Variants in MACROD2 observed in about 807,000 individuals in gnomAD.
MACROD2 encodes the protein mono-ADP ribosylhydrolase 2.
MACROD2 carries 36 observed loss-of-function variants against 70.4 expected under a neutral mutation model. That is an observed-to-expected ratio of 0.51 (90% CI 0.39 to 0.68). The LOEUF is 0.68. Among genes scored for constraint, MACROD2 ranks in the 30% least tolerant of loss-of-function variants. MACROD2 has a pLI of 0.00. For synonymous variants in MACROD2, 172 were observed against 178.8 expected, an observed-to-expected ratio of 0.96 and a Z score of 0.30; for missense variants, 496 against 538.4, an observed-to-expected ratio of 0.92 and a Z score of 0.78.
intron 8 of MACROD2, among the ~76,000 whole-genome samples, chr20:15,743,721 T>G (rs1331348398): frequency 6.6e-6 from 1 of 152,150 alleles, no homozygotes; most frequent in Non-Finnish European, 1.5e-5. Flanking sequence ...AATCCACACT[T>G]CACAGTCTAG....
At chr20:14,136,971 A>G (rs1490102852) in intron 3 of MACROD2, among the ~76,000 whole-genome samples, 1 of 152,142 alleles carries the variant, frequency 6.6e-6, no homozygotes, top group African/African-American at 2.4e-5. Flanking sequence ...ACTGGTAACC[A>G]CTAGCCACAT....
chr20:14,396,211 G>A (rs2083578164), intron 3 of MACROD2, among the ~76,000 whole-genome samples: 1 of 152,238 alleles, frequency 6.6e-6, no homozygotes, highest in African/African-American at 2.4e-5. Flanking sequence ...TGCTGTTAGT[G>A]AGTAGAGGGT....
intron 6 of MACROD2, among the ~76,000 whole-genome samples, chr20:15,331,266 T>G (rs80194628): frequency 6.6e-6 from 1 of 151,528 alleles, no homozygotes; most frequent in Non-Finnish European, 1.5e-5. Context: ...TATAAAGAAT[T>G]CTTTTTACCC....
At chr20:16,025,042 G>A (rs970376455) in intron 15 of MACROD2, among the ~76,000 whole-genome samples, 8 of 152,154 alleles carry the variant, frequency 5.3e-5, no homozygotes, top group South Asian at 2.1e-4. Flanking sequence ...TTATCTTGCC[G>A]AAGAAGTTAT....
intron 3 of MACROD2, among the ~76,000 whole-genome samples, chr20:14,430,391 A>G (rs2083981864): frequency 6.6e-6 from 1 of 152,170 alleles, no homozygotes; most frequent in Admixed American, 6.6e-5. Flanking sequence ...TCGTGCTAGG[A>G]TCTAGGTTAG....
intron 2 of MACROD2, among the ~76,000 whole-genome samples, chr20:14,028,923 A>G (rs1471388078): frequency 2.0e-5 from 3 of 152,180 alleles, no homozygotes; most frequent in Non-Finnish European, 4.4e-5. Flanking sequence ...TCCACAGAGT[A>G]TCTTTTCTGT....
In MACROD2 at chr20:13,995,911, C is replaced by G; in HGVS notation, c.46+102C>G. ...CGGCGCCCTCCGCCCGAGCTCCCGC[C>G]TCGCGCCCTCCCGGCCGGTGCCGCC... is the stretch of plus-strand genomic sequence containing the variant. On this transcript the variant is annotated intron_variant, in intron 1 of 17. Transcript: ENST00000684519. This position sits in a 1 kb window ranked among gnomAD's most constrained non-coding sequence, Gnocchi z 4.3. 7.3e-7 allele frequency: 1 copy of G among 1,375,128 alleles called. No homozygotes were observed. Among genetic ancestry groups the G allele is most frequent in the Non-Finnish European group, 1.0e-6 (1 of 992,706 alleles). The allele number at this position is 1,375,128 out of a possible 1,614,324, so 85.2% of individuals were successfully genotyped here. A position where few individuals can be genotyped will look rare whatever the true frequency, so the allele number is the denominator to read the frequency against.
chr20:15,036,854 A>G (rs2075316991), intron 5 of MACROD2, among the ~76,000 whole-genome samples: 1 of 151,988 alleles, frequency 6.6e-6, no homozygotes, highest in Non-Finnish European at 1.5e-5. Flanking sequence ...TCTTCTTTTT[A>G]TAAAGATTTA....
At chr20:15,909,343 TA>T (rs2147262304) in intron 10 of MACROD2, among the ~76,000 whole-genome samples, 1 of 152,238 alleles carries the variant, frequency 6.6e-6, no homozygotes, top group East Asian at 1.9e-4. Flanking sequence ...TGGTTGAGGT[TA>T]ACAAGTCCCC....
intron 3 of MACROD2, among the ~76,000 whole-genome samples, chr20:14,290,939 A>G (rs2082381614): frequency 6.6e-6 from 1 of 152,270 alleles, no homozygotes; most frequent in Non-Finnish European, 1.5e-5. Flanking sequence ...AACATAATTT[A>G]TGACTAAAAG....
chr20:14,857,362 G>A (rs994888261), intron 5 of MACROD2, among the ~76,000 whole-genome samples: 3 of 152,202 alleles, frequency 2.0e-5, no homozygotes, highest in Non-Finnish European at 4.4e-5. Flanking sequence ...CCTGAACAAG[G>A]TGAAGACACT....
intron 4 of MACROD2, among the ~76,000 whole-genome samples, chr20:14,613,181 A>C (rs780787779): frequency 6.6e-6 from 1 of 152,134 alleles, no homozygotes; most frequent in East Asian, 1.9e-4. Flanking sequence ...TTCAAGTCGC[A>C]CTTCTGACAA....
chr20:14,976,159 G>A (rs1420745122), intron 5 of MACROD2, among the ~76,000 whole-genome samples: 1 of 152,104 alleles, frequency 6.6e-6, no homozygotes, highest in Non-Finnish European at 1.5e-5. Context: ...GTGTATAAAT[G>A]TTTTCTCTTA....
At chr20:15,491,748 G>A (rs943164940) in intron 7 of MACROD2, among the ~76,000 whole-genome samples, 12 of 152,214 alleles carry the variant, frequency 7.9e-5, no homozygotes, top group African/African-American at 2.9e-4. Flanking sequence ...GGCAAAGTGA[G>A]CTCTGGCCAC....
rs532000818 is a variant in MACROD2, at chr20:14,044,784, G to A, written c.164-40837G>A. On this transcript the variant is annotated intron_variant, in intron 2 of 17. Transcript: ENST00000684519. The stretch of plus-strand genomic sequence containing the variant: ...GGCTTCACCCAGTGGATCCCGCACT[G>A]GGGCTGCAGGTGGAGCTGCCTGCCA... Among the ~76,000 whole-genome samples the A allele has an allele frequency of 2.6e-4, 39 of 152,352 alleles. No homozygotes were observed. In the South Asian group the frequency reaches 6.6e-3, roughly 26 times the overall value.
At chr20:15,679,471 G>A (rs1275786207) in intron 8 of MACROD2, among the ~76,000 whole-genome samples, 3 of 152,154 alleles carry the variant, frequency 2.0e-5, no homozygotes, top group Non-Finnish European at 4.4e-5. Flanking sequence ...CACCCCCCAA[G>A]GTTCATGCCC....
At chr20:14,259,759 A>G (rs527730610) in intron 3 of MACROD2, among the ~76,000 whole-genome samples, 88 of 152,330 alleles carry the variant, frequency 5.8e-4, no homozygotes, top group East Asian at 1.5e-3. Context: ...GGAGTATACT[A>G]TGGAATCACA....
At chr20:15,571,019 A>C (rs1045082609) in intron 8 of MACROD2, among the ~76,000 whole-genome samples, 4 of 152,178 alleles carry the variant, frequency 2.6e-5, no homozygotes, top group South Asian at 2.1e-4. Flanking sequence ...ACCCACTATT[A>C]TCATCTTTTC....
At chr20:14,459,539 C>T (rs1028496345) in intron 3 of MACROD2, among the ~76,000 whole-genome samples, 5 of 151,806 alleles carry the variant, frequency 3.3e-5, no homozygotes, top group Non-Finnish European at 1.5e-5. Context: ...TAGGTATCTA[C>T]CTATGGAATA....
Sources: allele counts gnomAD v4.1 joint callset (sites outside exome capture counted in the v4.1 genomes callset), GRCh38; gene constraint gnomAD v4.1.1; non-coding constraint Gnocchi (gnomAD v3.1); transcripts MANE v1.5; gene names NCBI Gene and HGNC (gene_info 2026-07-23, HGNC 2026-07-21).